THSD1: variants seen among roughly 807,000 people sequenced by gnomAD.
THSD1 encodes thrombospondin type-1 domain-containing protein 1.
A neutral mutation model predicts 46.3 loss-of-function variants in THSD1; 34 were observed. The ratio of observed to expected loss-of-function variants is 0.74; its 90% confidence interval spans 0.56 to 0.98. THSD1 has a LOEUF of 0.98. Ranked by LOEUF, THSD1 falls within the 50% of genes least tolerant of loss-of-function variation. THSD1 has a pLI of 0.00. For synonymous variants in THSD1, 407 were observed against 416.5 expected (o/e 0.98, Z 0.28); for missense variants, 1,023 against 1,058.3 (o/e 0.97, Z 0.46).
chr13:52,405,700 T>C (rs986281062), intron 1 of THSD1, among the ~76,000 whole-genome samples: 7 of 152,262 alleles, frequency 4.6e-5, no homozygotes, highest in Admixed American at 2.6e-4. Flanking sequence ...TCATACTTTT[T>C]GTATATCAGA....
chr13:52,378,554 G>A lies in THSD1; in HGVS notation c.1416C>T (p.Ser472=), dbSNP rs145911754. The A allele has an allele frequency of 1.9e-6, 3 of 1,614,134 alleles. No individual in the cohort carries two copies. Among genetic ancestry groups the A allele is most frequent in the Admixed American group, 1.7e-5 (1 of 60,014 alleles). The part of the protein sequence containing the change: ...NSDEENICEL[S]EQRGSFSDGG... ...CATCCGAGAAGCTCCCGCGCTGCTC[G>A]CTCAGCTCGCAGATATTCTCCTCGT... The change falls in exon 5 of 5, where the codon AGC becomes AGT. Residue 472 remains serine, a synonymous_variant. Transcript: ENST00000258613.
In THSD1 at chr13:52,386,043, G is replaced by T; in HGVS notation, c.1165C>A (p.Leu389Met). Reference protein sequence around the residue: ...GMSLEASLCSLEECAAFQPSS... With the variant: ...GMSLEASLCSMEECAAFQPSS... ...GAATACCTACCAGCACACTCCTCCA[G>T]GGAACACAGGGAGGCCTCCAAGGAC... Residue 389 changes from leucine (L) to methionine (M), a missense_variant, in exon 4 of 5, where the codon CTG (leucine) becomes ATG (methionine). Coordinates refer to ENST00000258613, the MANE Select transcript of THSD1 (RefSeq NM_018676.4). The T allele has an allele frequency of 6.2e-7, 1 of 1,613,946 alleles. No homozygotes were observed. Among genetic ancestry groups the T allele is most frequent in the Non-Finnish European group, 8.5e-7 (1 of 1,179,906 alleles).
intron 3 of THSD1, among the ~76,000 whole-genome samples, chr13:52,388,632 A>G (rs1957751122): frequency 6.6e-6 from 1 of 152,098 alleles, no homozygotes; most frequent in South Asian, 2.1e-4. Context: ...GGCATGCGCC[A>G]CCACATCCAG....
At position 52,377,799 on chromosome 13, in the gene THSD1, G is replaced by T. The variant is rs200635008; in HGVS notation, c.2171C>A (p.Pro724His). 1.3e-4 allele frequency: 208 copies of T among 1,614,092 alleles called. No individual in the cohort carries two copies. Among genetic ancestry groups the T allele is most frequent in the Non-Finnish European group, 1.7e-4 (201 of 1,180,048 alleles). ...EASGTRGPLNPLPKSYTLGQP... is the reference protein window; with the variant it reads ...EASGTRGPLNHLPKSYTLGQP... ...CCCCAAAGTGTAGGATTTAGGGAGAGGGTTTAATGGACCACGGGTTCCACT... is the reference window on the plus strand; with the variant it reads ...CCCCAAAGTGTAGGATTTAGGGAGATGGTTTAATGGACCACGGGTTCCACT... The change falls in exon 5 of 5, where the codon CCT becomes CAT. Residue 724 changes from proline to histidine, a missense_variant. Pro to His is a moderately conservative substitution (Grantham distance 77). Around this residue, in one of 3 missense-constraint regions of THSD1, gnomAD observed 578 missense variants for 497.4 expected, o/e 1.16. Transcript: ENST00000258613.
At chr13:52,385,988 G>A in intron 4 of THSD1, 40 bp downstream of exon 4, 1 of 1,595,502 alleles carries the variant, frequency 6.3e-7, no homozygotes, top group Non-Finnish European at 8.6e-7. Flanking sequence ...TCTGATGAAG[G>A]CTCTGAGGAG....
Position 52,377,649 on chromosome 13 carries a change from T to C in THSD1, c.2321A>G (p.Gln774Arg), listed in dbSNP as rs753880074. 4.3e-6 allele frequency: 7 copies of C among 1,610,294 alleles called. No homozygotes were observed. The highest frequency in any genetic ancestry group is 5.1e-6 in the Non-Finnish European group (6 of 1,176,904). ...ATCTTTGGGGGATATGGGAGAAGAC[T>C]GCTTCCTTGAGACACTCTTGTGACT... Reference protein sequence around the residue: ...SPSHKSVSRKQSSPISPKDNY... With the variant: ...SPSHKSVSRKRSSPISPKDNY... The change falls in exon 5 of 5, where the codon CAG becomes CGG. Residue 774 changes from glutamine (Q) to arginine (R), a missense_variant. Gln to Arg is a conservative substitution (Grantham distance 43). This residue lies in a region of THSD1 where 578 missense variants were observed against 497.4 expected (regional missense o/e 1.16). Coordinates refer to ENST00000258613, the MANE Select transcript of THSD1 (RefSeq NM_018676.4).
intron 3 of THSD1, among the ~76,000 whole-genome samples, chr13:52,396,590 TTAA>T (rs1471514861): frequency 6.6e-6 from 1 of 152,104 alleles, no homozygotes; most frequent in African/African-American, 2.4e-5. Flanking sequence ...ATTAAACTAC[TTAA>T]TAAGACCAGA....
Position 52,397,738 on chromosome 13 carries a change from G to A in THSD1, c.515C>T (p.Thr172Ile). ...TCTTCTTGCCTCAGGAAGACTGTTG[G>A]TGAAGATGACATCCACTACGATGTT... ...KPNIVVDVIF[T>I]NSLPEARRNS... Residue 172 changes from threonine (T) to isoleucine (I), a missense_variant, in exon 3 of 5, where the codon ACC becomes ATC. Physicochemically the swap from Thr to Ile is moderately conservative, Grantham distance 89. Transcript: ENST00000258613. 2 of 1,614,218 alleles carry A rather than the reference G, an allele frequency of 1.2e-6. No homozygotes were observed. Among genetic ancestry groups the A allele is most frequent in the Non-Finnish European group, 1.7e-6 (2 of 1,180,044 alleles).
In THSD1 at chr13:52,377,350, A is replaced by G. The variant is rs1321002033; in HGVS notation, c.*61T>C. On this transcript the variant is annotated 3_prime_UTR_variant, in exon 5 of 5. Transcript: ENST00000258613. ...TGTCCTACGGTACAAATAGTTACAC[A>G]AAAGTCTACAAAACGCGAGTAGCAG... is the stretch of plus-strand genomic sequence containing the variant. 3 of 1,461,634 alleles carry G rather than the reference A, an allele frequency of 2.1e-6. No individual in the cohort carries two copies. Among genetic ancestry groups the G allele is most frequent in the Non-Finnish European group, 1.8e-6 (2 of 1,100,484 alleles). The allele number at this position is 1,461,634 out of a possible 1,614,324, so 90.5% of individuals were successfully genotyped here.
At chr13:52,401,674 A>G (rs549494252) in intron 2 of THSD1, among the ~76,000 whole-genome samples, 1 of 152,314 alleles carries the variant, frequency 6.6e-6, no homozygotes, top group South Asian at 2.1e-4. Flanking sequence ...TAAACTTCTT[A>G]AAAAAGAAAA....
At chr13:52,381,055 C>T (rs1957688517) in intron 4 of THSD1, among the ~76,000 whole-genome samples, 1 of 152,188 alleles carries the variant, frequency 6.6e-6, no homozygotes, top group Non-Finnish European at 1.5e-5. Flanking sequence ...TCAACCCACT[C>T]TCTAGCTGTG....
At chr13:52,393,134 T>G (rs1410083324) in intron 3 of THSD1, among the ~76,000 whole-genome samples, 1 of 152,198 alleles carries the variant, frequency 6.6e-6, no homozygotes, top group African/African-American at 2.4e-5. Context: ...CCCTTCTATT[T>G]AAACACCATT....
Position 52,377,557 on chromosome 13 carries a change from T to C in THSD1, c.2413A>G (p.Thr805Ala), listed in dbSNP as rs1349107970. Residue 805 changes from threonine (T) to alanine (A), a missense_variant, in exon 5 of 5, where the codon ACT becomes GCT. Thr to Ala is a moderately conservative substitution (Grantham distance 58, BLOSUM62 0). Transcript: ENST00000258613. ...TCATAGAAGGCAAACTCAGGGTGAG[T>C]GGGGAAGCTTTGACACTTGTCTTTT... ...CRKDKCQSFP[T>A]HPEFAFYDNT... 6.2e-7 allele frequency: 1 copy of C among 1,600,976 alleles called. No homozygotes were observed. Among genetic ancestry groups the C allele is most frequent in the South Asian group, 1.1e-5 (1 of 90,424 alleles).
chr13:52,397,977 A>G lies in THSD1; in HGVS notation c.276T>C (p.Tyr92=). The G allele has an allele frequency of 6.2e-7, 1 of 1,614,242 alleles. No individual in the cohort carries two copies. Among genetic ancestry groups the G allele is most frequent in the South Asian group, 1.1e-5 (1 of 91,086 alleles). The part of the protein sequence containing the change: ...SQGTLKFECF[Y]FKEAGDYWFT... ...ACCAGTAGTCACCAGCCTCCTTGAA[A>G]TAGAAGCACTCAAACTTTAGTGTTC... The change falls in exon 3 of 5, where the codon TAT becomes TAC. Residue 92 remains tyrosine, a synonymous_variant. Transcript: ENST00000258613.
chr13:52,378,166 T>G lies in THSD1; in HGVS notation c.1804A>C (p.Arg602=). 1 of 1,614,120 alleles carries G rather than the reference T, an allele frequency of 6.2e-7. No individual in the cohort carries two copies. The highest frequency in any genetic ancestry group is 1.3e-5 in the African/African-American group (1 of 75,028). The part of the protein sequence containing the change: ...PEQPAVSAGE[R]PPSRLDLNVT... Reference sequence around the variant, plus strand: ...TTTAGATCCAGCCTGGAGGGAGGCCTTTCCCCGGCACTGACCGCGGGCTGC... The same window carrying G: ...TTTAGATCCAGCCTGGAGGGAGGCCGTTCCCCGGCACTGACCGCGGGCTGC... Residue 602 remains arginine, a synonymous_variant, in exon 5 of 5, where the codon AGG becomes CGG. Coordinates refer to ENST00000258613, the MANE Select transcript of THSD1 (RefSeq NM_018676.4).
chr13:52,390,405 A>G (rs1045338668), intron 3 of THSD1, among the ~76,000 whole-genome samples: 3 of 152,108 alleles, frequency 2.0e-5, no homozygotes, highest in African/African-American at 4.8e-5. Flanking sequence ...CTTTACAGCA[A>G]TTAAAAGGAT....
intron 4 of THSD1, among the ~76,000 whole-genome samples, chr13:52,379,725 G>A (rs1407235255): frequency 2.0e-5 from 3 of 151,954 alleles, no homozygotes; most frequent in Non-Finnish European, 2.9e-5. Context: ...TGCCCACCTC[G>A]GCCTCCCAAA....
intron 3 of THSD1, among the ~76,000 whole-genome samples, chr13:52,391,694 C>T: frequency 6.6e-6 from 1 of 151,836 alleles, no homozygotes; most frequent in Admixed American, 6.6e-5. Context: ...CAGGCACGTG[C>T]CACCATGCCC....
chr13:52,385,672 T>A (rs1957725689), intron 4 of THSD1, among the ~76,000 whole-genome samples: 1 of 144,910 alleles, frequency 6.9e-6, no homozygotes. Context: ...TCCACAGTTT[T>A]GGTGGGGAGA....
Sources: gnomAD v4.1 joint callset for allele counts (sites outside exome capture counted in the v4.1 genomes callset) on GRCh38, gnomAD v4.1.1 for gene constraint, gnomAD v4.1.1 regional missense constraint, MANE v1.5 for transcripts, NCBI Gene and HGNC (gene_info 2026-07-23, HGNC 2026-07-21) for gene names.